NOP58: variants seen among roughly 807,000 people sequenced by gnomAD.
NOP58 encodes NOP58 ribonucleoprotein.
In NOP58, 44 loss-of-function variants were observed where a neutral mutation model predicts 71.2. That is an observed-to-expected ratio of 0.62 (90% CI 0.49 to 0.79). The LOEUF is 0.79. NOP58 is among the 30% of genes least tolerant of loss of function. The pLI, the probability that NOP58 is intolerant of heterozygous loss-of-function variation, is 0.00. For synonymous variants in NOP58, 228 were observed against 200.3 expected (o/e 1.14, Z -1.17); for missense variants, 538 against 620.2 (o/e 0.87, Z 1.41).
chr2:202,270,248 A>G (rs529576829), intron 1 of NOP58, among the ~76,000 whole-genome samples: 236 of 152,300 alleles, frequency 1.5e-3, no homozygotes, highest in African/African-American at 5.5e-3. Flanking sequence ...TAGAAGTTTC[A>G]TGTAAGTGGA....
chr2:202,297,066 A>G (rs1221600684), intron 10 of NOP58, among the ~76,000 whole-genome samples: 2 of 152,196 alleles, frequency 1.3e-5, no homozygotes, highest in African/African-American at 4.8e-5. Context: ...GTTACGAGGA[A>G]AAAGATGCAC....
chr2:202,301,887 C>G (rs1023045014), intron 13 of NOP58, among the ~76,000 whole-genome samples: 33 of 151,894 alleles, frequency 2.2e-4, no homozygotes, highest in Non-Finnish European at 2.2e-4. Flanking sequence ...TATTTTTATT[C>G]TTACCACTTT....
chr2:202,291,319 G>A (rs368318645), intron 8 of NOP58, 49 bp downstream of exon 8: 1 of 1,432,790 alleles, frequency 7.0e-7, no homozygotes, highest in African/African-American at 1.4e-5. Context: ...CAGCTCTATA[G>A]TACTAATTTT....
chr2:202,290,984 C>A, intron 7 of NOP58, 141 bp from the exon 8 acceptor site: 1 of 651,226 alleles, frequency 1.5e-6, no homozygotes, highest in Non-Finnish European at 2.5e-6. Context: ...AACTGTTATA[C>A]TAGGTCAAAC....
In NOP58 at chr2:202,296,716, T is replaced by TG. The variant is rs1205635973; in HGVS notation, c.1072-663_1072-662insG. ...TAGATTGAAAAAGAACCCACGCTTT[T>TG]TTTTGTTTGTTTGTTTGTTTGTTTG... On this transcript the variant is annotated intron_variant, in intron 10 of 14. Coordinates refer to ENST00000264279, the MANE Select transcript of NOP58 (RefSeq NM_015934.5). Among the ~76,000 whole-genome samples, 285 of 85,984 alleles carry TG rather than the reference T, an allele frequency of 3.3e-3. 1 individual carries two copies. Among genetic ancestry groups the TG allele is most frequent in the Non-Finnish European group, 4.8e-3 (180 of 37,512 alleles). The allele number at this position is 85,984 out of a possible 152,430, so 56.4% of individuals were successfully genotyped here.
intron 5 of NOP58, among the ~76,000 whole-genome samples, chr2:202,286,259 C>CT (rs1688784548): frequency 6.6e-6 from 1 of 150,766 alleles, no homozygotes; most frequent in Non-Finnish European, 1.5e-5. Context: ...CATCCCAGCA[C>CT]TTTGCGAGGC....
At chr2:202,269,804 A>G (rs540963148) in intron 1 of NOP58, among the ~76,000 whole-genome samples, 2 of 152,328 alleles carry the variant, frequency 1.3e-5, no homozygotes, top group Admixed American at 6.5e-5. Flanking sequence ...GGCACACAGC[A>G]TAAGATTTTA....
At chr2:202,284,570 T>C in intron 5 of NOP58, 89 bp downstream of exon 5, 5 of 1,348,566 alleles carry the variant, frequency 3.7e-6, no homozygotes, top group Non-Finnish European at 5.2e-6. Context: ...AAATGCTCAT[T>C]TGAACCACAT....
intron 14 of NOP58, 143 bp from the exon 15 acceptor site, chr2:202,303,243 C>T: frequency 2.9e-6 from 4 of 1,376,030 alleles, no homozygotes; most frequent in Non-Finnish European, 4.0e-6. Flanking sequence ...GAATTTATTA[C>T]TAAAAATCAA....
intron 1 of NOP58, among the ~76,000 whole-genome samples, chr2:202,273,998 G>GTTGCACAGACATTCAAAGTC (rs1688548003): frequency 1.3e-5 from 2 of 151,460 alleles, no homozygotes; most frequent in African/African-American, 4.8e-5. Flanking sequence ...ATGAACATGT[G>GTTGCACAGACATTCAAAGTC]TTGCACAGAC....
At chr2:202,282,139 AC>A (rs1235552209) in intron 3 of NOP58, among the ~76,000 whole-genome samples, 1 of 152,196 alleles carries the variant, frequency 6.6e-6, no homozygotes, top group Non-Finnish European at 1.5e-5. Flanking sequence ...ACCTGATTTT[AC>A]CCCTGGCTCT....
chr2:202,281,995 A>C (rs1688714578), intron 3 of NOP58, among the ~76,000 whole-genome samples: 1 of 152,302 alleles, frequency 6.6e-6, no homozygotes, highest in African/African-American at 2.4e-5. Flanking sequence ...ATTTTAGGAT[A>C]TTTCAGGACA....
chr2:202,282,805 T>C (rs1400456191), intron 4 of NOP58, among the ~76,000 whole-genome samples: 1 of 152,220 alleles, frequency 6.6e-6, no homozygotes, highest in Non-Finnish European at 1.5e-5. Context: ...TCCTTATATT[T>C]TTTAGAAATA....
At chr2:202,270,095 T>G (rs938070103) in intron 1 of NOP58, among the ~76,000 whole-genome samples, 1 of 152,240 alleles carries the variant, frequency 6.6e-6, no homozygotes, top group East Asian at 1.9e-4. Flanking sequence ...GGGTGTACTT[T>G]ACATACTGTA....
chr2:202,285,338 G>A (rs969484790), intron 5 of NOP58, among the ~76,000 whole-genome samples: 3 of 146,742 alleles, frequency 2.0e-5, no homozygotes, highest in African/African-American at 7.7e-5. Context: ...CACCACACCC[G>A]GCATTTTTTT....
Position 202,287,711 on chromosome 2 carries a change from T to G in NOP58, c.486T>G (p.Ile162Met), listed in dbSNP as rs1688816755. The part of the protein sequence containing the change: ...KFSADKVDTM[I>M]VQAISLLDDL... ...GCGCTGATAAAGTAGACACAATGATTGTTCAGGCAATTTGTAAGTATAGTA... is the reference window on the plus strand; with the variant it reads ...GCGCTGATAAAGTAGACACAATGATGGTTCAGGCAATTTGTAAGTATAGTA... Residue 162 changes from isoleucine (I) to methionine (M), a missense_variant, in exon 6 of 15, where the codon ATT (isoleucine) becomes ATG (methionine). Physicochemically the swap from Ile to Met is conservative, Grantham distance 10. Coordinates refer to ENST00000264279, the MANE Select transcript of NOP58 (RefSeq NM_015934.5). 1 of 1,612,002 alleles carries G rather than the reference T, an allele frequency of 6.2e-7. No homozygotes were observed. The highest frequency in any genetic ancestry group is 1.7e-5 in the Admixed American group (1 of 59,992).
Position 202,303,014 on chromosome 2 carries a change from A to G in NOP58, c.1496A>G (p.Glu499Gly). Residue 499 changes from glutamate (E) to glycine (G), a missense_variant, in exon 14 of 15, where the codon GAA becomes GGA. Transcript: ENST00000264279. ...KRGKKKHIKEEPLSEEEPCTS... is the reference protein window; with the variant it reads ...KRGKKKHIKEGPLSEEEPCTS... ...GGTAAAAAGAAACACATTAAGGAAGAACCACTTTCTGAGGAAGAACCATGT... is the reference window on the plus strand; with the variant it reads ...GGTAAAAAGAAACACATTAAGGAAGGACCACTTTCTGAGGAAGAACCATGT... 6.2e-7 allele frequency: 1 copy of G among 1,612,950 alleles called. No homozygotes were observed. The highest frequency in any genetic ancestry group is 8.5e-7 in the Non-Finnish European group (1 of 1,179,918).
At chr2:202,296,360 C>T (rs1391537104) in intron 10 of NOP58, among the ~76,000 whole-genome samples, 3 of 152,180 alleles carry the variant, frequency 2.0e-5, no homozygotes, top group Middle Eastern at 3.4e-3. Context: ...CGTGCCACCA[C>T]GCCCGGCTAA....
intron 5 of NOP58, among the ~76,000 whole-genome samples, chr2:202,286,827 G>A (rs913174395): frequency 6.6e-6 from 1 of 152,196 alleles, no homozygotes. Context: ...TCTGCCATGA[G>A]TATCTGGTGG....
Sources: gnomAD v4.1 joint callset for allele counts (sites outside exome capture counted in the v4.1 genomes callset) on GRCh38, gnomAD v4.1.1 for gene constraint, MANE v1.5 for transcripts, NCBI Gene and HGNC (gene_info 2026-07-23, HGNC 2026-07-21) for gene names.